The following ACOT7 variants were observed in gnomAD, a reference collection of about 807,000 sequenced individuals.
ACOT7 encodes the protein acyl-CoA thioesterase 7, also known as cytosolic acyl coenzyme A thioester hydrolase.
In ACOT7, 12 loss-of-function variants were observed where a neutral mutation model predicts 40.2. The observed-to-expected ratio is 0.30, with a 90% CI of 0.19 to 0.48. The LOEUF is 0.48. Among genes scored for constraint, ACOT7 ranks in the 20% least tolerant of loss-of-function variants. ACOT7 has a pLI of 0.99. For missense variants in ACOT7, 395 were observed against 530.8 expected (o/e 0.74, Z 2.51); for synonymous variants, 228 against 219.5 (o/e 1.04, Z -0.34).
Position 6,393,418 on chromosome 1 carries a change from T to G in ACOT7, c.-19A>C. On this transcript the variant is annotated 5_prime_UTR_variant, in exon 1 of 9. Coordinates refer to ENST00000361521, the MANE Select transcript of ACOT7 (RefSeq NM_007274.4). ...GCGCCATAAAGGGGGAGGGCAGAGG[T>G]GGAGCGATGGGGCTGGTGAGGCGGG... 8.2e-7 allele frequency: 1 copy of G among 1,222,594 alleles called. No individual in the cohort carries two copies. The highest frequency in any genetic ancestry group is 1.0e-6 in the Non-Finnish European group (1 of 978,686). The allele number at this position is 1,222,594 out of a possible 1,614,324, so 75.7% of individuals were successfully genotyped here.
Position 6,327,221 on chromosome 1 carries a change from C to A in ACOT7, c.625+78G>T, listed in dbSNP as rs112529674. ...TGGGGAACCTCAAGCATGAGGCTCA[C>A]GTAGGCCCGGCCTGCTCCTGCCTCC... On this transcript the variant is annotated intron_variant, in intron 5 of 8. Transcript: ENST00000361521. 347 of 1,429,150 alleles carry A rather than the reference C, an allele frequency of 2.4e-4. 1 individual carries two copies. In the African/African-American group the frequency reaches 4.0e-3, roughly 17 times the overall value. The allele number at this position is 1,429,150 out of a possible 1,614,324, so 88.5% of individuals were successfully genotyped here.
intron 5 of ACOT7, among the ~76,000 whole-genome samples, chr1:6,321,344 A>G (rs1040357125): frequency 2.0e-5 from 3 of 152,190 alleles, no homozygotes; most frequent in Non-Finnish European, 4.4e-5. Flanking sequence ...GTCTGCCTCC[A>G]GTCAGTTCCA....
intron 1 of ACOT7, among the ~76,000 whole-genome samples, chr1:6,350,643 C>T (rs934371414): frequency 1.3e-5 from 2 of 152,262 alleles, no homozygotes; most frequent in African/African-American, 4.8e-5. Context: ...ATGAAAGCCG[C>T]CTTCACAGGC....
intron 2 of ACOT7, among the ~76,000 whole-genome samples, chr1:6,348,797 G>C (rs757775130): frequency 6.6e-6 from 1 of 152,198 alleles, no homozygotes; most frequent in Non-Finnish European, 1.5e-5. Context: ...GCCACTTCCT[G>C]CATCTCAACA....
chr1:6,388,172 G>A (rs528379560), intron 1 of ACOT7, among the ~76,000 whole-genome samples: 68 of 151,228 alleles, frequency 4.5e-4, no homozygotes, highest in African/African-American at 1.6e-3. Context: ...GCAGTGGCGG[G>A]ATCTCAGCTC....
Position 6,294,907 on chromosome 1 carries a change from T to C in ACOT7, c.786A>G (p.Thr262=). The C allele has an allele frequency of 1.2e-6, 2 of 1,614,112 alleles. No individual in the cohort carries two copies. The highest frequency in any genetic ancestry group is 1.7e-6 in the Non-Finnish European group (2 of 1,180,002). The change falls in exon 7 of 9, where the codon ACA becomes ACG. Residue 262 remains threonine, a synonymous_variant. Transcript: ENST00000361521. The surrounding 1 kb of genome is among the most constrained non-coding windows in gnomAD (Gnocchi z 4.6). Reference sequence around the variant, plus strand: ...GAAAATTAATGGCGTCCACGGAAGCTGTGACGATGTTGGTCTTGCAGTGGC... The same window carrying C: ...GAAAATTAATGGCGTCCACGGAAGCCGTGACGATGTTGGTCTTGCAGTGGC... The part of the protein sequence containing the change: ...AARHCKTNIV[T]ASVDAINFHD...
chr1:6,282,180 C>G lies in ACOT7; in HGVS notation c.830-894G>C, dbSNP rs960652901. ...CTTCTGCCCCCACCACCCTCCCCGG[C>G]CTGGGCTCCATCCTCCTACCTGGCC... On this transcript the variant is annotated intron_variant, in intron 7 of 8. Transcript: ENST00000361521. This position sits in a 1 kb window ranked among gnomAD's most constrained non-coding sequence, Gnocchi z 4.5. Among the ~76,000 whole-genome samples, 4 of 152,150 alleles carry G rather than the reference C, an allele frequency of 2.6e-5. No homozygotes were observed. The highest frequency in any genetic ancestry group is 9.7e-5 in the African/African-American group (4 of 41,430).
In ACOT7 at chr1:6,358,685, C is replaced by G; in HGVS notation, c.144-8819G>C. The stretch of plus-strand genomic sequence containing the variant: ...CAGGCCAGGTGGGTGCCCTACTGCC[C>G]TTCCTGGCTGCATGACACCAGCCAG... On this transcript the variant is annotated intron_variant, in intron 1 of 8. Coordinates refer to ENST00000361521, the MANE Select transcript of ACOT7 (RefSeq NM_007274.4). This position sits in a 1 kb window ranked among gnomAD's most constrained non-coding sequence, Gnocchi z 4.1. 1.2e-6 allele frequency: 1 copy of G among 834,846 alleles called. No homozygotes were observed. The highest frequency in any genetic ancestry group is 1.9e-6 in the Non-Finnish European group (1 of 519,036). 51.7% of individuals were successfully genotyped at this position (834,846 alleles called of 1,614,324 possible). A position where few individuals can be genotyped will look rare whatever the true frequency, so the allele number is the denominator to read the frequency against.
intron 1 of ACOT7, among the ~76,000 whole-genome samples, chr1:6,391,481 G>C (rs12401310): frequency 1.3e-5 from 2 of 152,122 alleles, no homozygotes; most frequent in African/African-American, 4.8e-5. Flanking sequence ...ACTCCAGCCC[G>C]GGTGACAGAG....
In ACOT7 at chr1:6,282,099, C is replaced by T. The variant is rs769612766; in HGVS notation, c.830-813G>A. ...CTAACCAACCTCTCTGTACGCCCCA[C>T]GCTCCCCAGGGCACGACAGTCCATC... On this transcript the variant is annotated intron_variant, in intron 7 of 8. Coordinates refer to ENST00000361521, the MANE Select transcript of ACOT7 (RefSeq NM_007274.4). This position sits in a 1 kb window ranked among gnomAD's most constrained non-coding sequence, Gnocchi z 4.5. Among the ~76,000 whole-genome samples the T allele has an allele frequency of 1.3e-5, 2 of 152,156 alleles. No homozygotes were observed. Among genetic ancestry groups the T allele is most frequent in the African/African-American group, 4.8e-5 (2 of 41,440 alleles).
chr1:6,330,355 T>A lies in ACOT7; in HGVS notation c.511-2942A>T, dbSNP rs545572549. ...GCAGGCCTCTGGCCGGGCCCACCAG[T>A]GAAAAACAGGAGACCTAGATTCCAA... On this transcript the variant is annotated intron_variant, in intron 4 of 8. Transcript: ENST00000361521. This position sits in a 1 kb window ranked among gnomAD's most constrained non-coding sequence, Gnocchi z 4.6. 1.3e-5 allele frequency among the ~76,000 whole-genome samples: 2 copies of A among 152,140 alleles called. No individual in the cohort carries two copies. The highest frequency in any genetic ancestry group is 2.9e-5 in the Non-Finnish European group (2 of 67,984).
rs760299701 is a variant in ACOT7 at position 6,281,216 on chromosome 1, C to T, written c.900G>A (p.Val300=). The change falls in exon 8 of 9, where the codon GTG becomes GTA. Residue 300 remains valine, a synonymous_variant. Transcript: ENST00000361521. ...AGCTGTCCACAACAGGGTCGGCGTC[C>T]ACCAACACCTCGATCTCCATGGACT... The part of the protein sequence containing the change: ...SNKSMEIEVL[V]DADPVVDSSQ... The T allele has an allele frequency of 5.0e-6, 8 of 1,614,144 alleles. No homozygotes were observed. Among genetic ancestry groups the T allele is most frequent in the Non-Finnish European group, 5.9e-6 (7 of 1,180,054 alleles).
chr1:6,307,776 G>C (rs945298102), intron 6 of ACOT7, among the ~76,000 whole-genome samples: 1 of 152,118 alleles, frequency 6.6e-6, no homozygotes, highest in Non-Finnish European at 1.5e-5. Flanking sequence ...CCAGGCAGAG[G>C]GAACCGCAGC....
intron 8 of ACOT7, among the ~76,000 whole-genome samples, chr1:6,270,981 C>T (rs1183947517): frequency 2.0e-5 from 3 of 152,158 alleles, no homozygotes; most frequent in Non-Finnish European, 4.4e-5. Flanking sequence ...ACGCTCCCTC[C>T]CTGGTGCTCA....
chr1:6,375,421 A>C (rs189305811), intron 1 of ACOT7, among the ~76,000 whole-genome samples: 1 of 152,102 alleles, frequency 6.6e-6, no homozygotes, highest in African/African-American at 2.4e-5. Context: ...TAATCCCAGC[A>C]CTTTGGGAGG....
In ACOT7 at chr1:6,357,430, T is replaced by C. The variant is rs12079473; in HGVS notation, c.144-7564A>G. ...GGGGCCTGCAGGGCAGGCGGCTCAT[T>C]ACTGCCCCCTTCTGACAAAGGCCTC... On this transcript the variant is annotated intron_variant, in intron 1 of 8. Coordinates refer to ENST00000361521, the MANE Select transcript of ACOT7 (RefSeq NM_007274.4). Among the ~76,000 whole-genome samples, 320 of 152,200 alleles carry C rather than the reference T, an allele frequency of 2.1e-3. 2 individuals are homozygous for C. The highest frequency in any genetic ancestry group is 6.8e-3 in the African/African-American group (282 of 41,542).
At position 6,282,848 on chromosome 1, in the gene ACOT7, C is replaced by T. The variant is rs895380396; in HGVS notation, c.830-1562G>A. 1.8e-5 allele frequency: 23 copies of T among 1,261,342 alleles called. No homozygotes were observed. Among genetic ancestry groups the T allele is most frequent in the Admixed American group, 9.2e-5 (4 of 43,492 alleles). The allele number at this position is 1,261,342 out of a possible 1,614,324, so 78.1% of individuals were successfully genotyped here. On this transcript the variant is annotated intron_variant, in intron 7 of 8. Transcript: ENST00000361521. This position sits in a 1 kb window ranked among gnomAD's most constrained non-coding sequence, Gnocchi z 4.5. ...GCGCCCGCAGTCACAAGACGCACCCCGGGAGGAGGGCAGGCCATGGGTCAG... is the reference window on the plus strand; with the variant it reads ...GCGCCCGCAGTCACAAGACGCACCCTGGGAGGAGGGCAGGCCATGGGTCAG...
rs1167366633 is a variant in ACOT7, at chr1:6,385,657, G to A, written c.143+7600C>T. On this transcript the variant is annotated intron_variant, in intron 1 of 8. Coordinates refer to ENST00000361521, the MANE Select transcript of ACOT7 (RefSeq NM_007274.4). The stretch of plus-strand genomic sequence containing the variant: ...TCACAGAGCCGGAGAGCCCTGGCAA[G>A]CAGCTTCATCCTGCGGTAAGTGGGC... 6.2e-7 allele frequency: 1 copy of A among 1,611,986 alleles called. No homozygotes were observed. Among genetic ancestry groups the A allele is most frequent in the Admixed American group, 1.7e-5 (1 of 59,990 alleles).
chr1:6,380,520 C>T (rs533896878), intron 1 of ACOT7, among the ~76,000 whole-genome samples: 14 of 147,556 alleles, frequency 9.5e-5, no homozygotes, highest in African/African-American at 3.0e-4. Flanking sequence ...ACCCAGGAGG[C>T]GAAGGTTGTA....
Sources: gnomAD v4.1 joint callset for allele counts (sites outside exome capture counted in the v4.1 genomes callset) on GRCh38, gnomAD v4.1.1 for gene constraint, Gnocchi (gnomAD v3.1) non-coding constraint, MANE v1.5 for transcripts, NCBI Gene and HGNC (gene_info 2026-07-23, HGNC 2026-07-21) for gene names.